The following MSRA variants were observed in gnomAD, a reference collection of about 807,000 sequenced individuals.
MSRA encodes the protein methionine sulfoxide reductase A.
A neutral mutation model predicts 31.3 loss-of-function variants in MSRA; 54 were observed. The observed-to-expected ratio is 1.73, with a 90% CI of 1.39 to 2.17. The LOEUF is 2.17. Among genes scored for constraint, MSRA ranks in the 30% most tolerant of loss-of-function variants. MSRA has a pLI of 0.00. For missense variants in MSRA, 507 were observed against 300.9 expected, an observed-to-expected ratio of 1.69 and a Z score of -5.07; for synonymous variants, 169 against 116.5, an observed-to-expected ratio of 1.45 and a Z score of -2.90.
intron 1 of MSRA, among the ~76,000 whole-genome samples, chr8:10,090,560 G>A (rs145463684): frequency 6.6e-6 from 1 of 152,156 alleles, no homozygotes; most frequent in Non-Finnish European, 1.5e-5. Context: ...CATAAAACTT[G>A]TCATTTTATT....
chr8:10,218,473 C>T (rs1810200350), intron 2 of MSRA, among the ~76,000 whole-genome samples: 1 of 152,132 alleles, frequency 6.6e-6, no homozygotes, highest in Non-Finnish European at 1.5e-5. Flanking sequence ...GTGAAGTTAG[C>T]ATCCCCTTAC....
intron 1 of MSRA, among the ~76,000 whole-genome samples, chr8:10,114,125 T>C (rs1001225432): frequency 6.6e-6 from 1 of 152,238 alleles, no homozygotes; most frequent in East Asian, 1.9e-4. Flanking sequence ...TCATCTATGT[T>C]GCAGCATGTA....
chr8:10,146,634 T>G (rs1803168287), intron 1 of MSRA, among the ~76,000 whole-genome samples: 1 of 152,158 alleles, frequency 6.6e-6, no homozygotes, highest in South Asian at 2.1e-4. Context: ...CTGAATAGAC[T>G]AAAAGCCATC....
chr8:10,084,040 G>A (rs915268296), intron 1 of MSRA, among the ~76,000 whole-genome samples: 1 of 152,190 alleles, frequency 6.6e-6, no homozygotes, highest in Non-Finnish European at 1.5e-5. Flanking sequence ...AGTGAAATGT[G>A]CAAGGACTTG....
chr8:10,345,029 G>A (rs1358101761), intron 5 of MSRA, among the ~76,000 whole-genome samples: 1 of 152,142 alleles, frequency 6.6e-6, no homozygotes, highest in Admixed American at 6.5e-5. Context: ...GGAAGATGGG[G>A]CTGTCTGGAT....
intron 1 of MSRA, among the ~76,000 whole-genome samples, chr8:10,081,275 T>C (rs1798279393): frequency 6.6e-6 from 1 of 152,188 alleles, no homozygotes; most frequent in Non-Finnish European, 1.5e-5. Context: ...GAACCTGGCA[T>C]CCCATAGCTG....
At chr8:10,177,726 A>G (rs1806181548) in intron 1 of MSRA, among the ~76,000 whole-genome samples, 1 of 152,218 alleles carries the variant, frequency 6.6e-6, no homozygotes, top group African/African-American at 2.4e-5. Context: ...TTTATTGGCA[A>G]GCTTTTTCTA....
chr8:10,401,553 C>G (rs893336179), intron 5 of MSRA, among the ~76,000 whole-genome samples: 2 of 152,194 alleles, frequency 1.3e-5, no homozygotes, highest in Non-Finnish European at 2.9e-5. Context: ...GCAGCAATCT[C>G]ACGCCTATGT....
intron 5 of MSRA, among the ~76,000 whole-genome samples, chr8:10,399,113 A>T (rs868264337): frequency 4.3e-4 from 66 of 152,352 alleles, no homozygotes; most frequent in Middle Eastern, 3.4e-3. Flanking sequence ...AACTTTAAAG[A>T]TGGAACTTGA....
chr8:10,267,322 GAC>G lies in MSRA; in HGVS notation c.331+22103_331+22104del, dbSNP rs1353639314. ...AGTTTGTTTGGGTTCTTATTGTGCA[GAC>G]ACAGTGGGAGGGGAGGCTGCAGTGG... On this transcript the variant is annotated intron_variant, in intron 3 of 5. Transcript: ENST00000317173. Among the ~76,000 whole-genome samples the G allele has an allele frequency of 2.6e-5, 4 of 152,216 alleles. No homozygotes were observed. In the East Asian group the frequency reaches 7.7e-4, roughly 29 times the overall value.
intron 5 of MSRA, among the ~76,000 whole-genome samples, chr8:10,327,816 C>T (rs531063973): frequency 6.6e-6 from 1 of 151,994 alleles, no homozygotes; most frequent in Non-Finnish European, 1.5e-5. Flanking sequence ...GCCTGTAGTC[C>T]CAGCTACTCA....
At chr8:10,292,596 C>T (rs1279165119) in intron 3 of MSRA, among the ~76,000 whole-genome samples, 1 of 152,238 alleles carries the variant, frequency 6.6e-6, no homozygotes, top group Non-Finnish European at 1.5e-5. Flanking sequence ...AGTGGAGGAG[C>T]CCTGCTCTGA....
chr8:10,245,969 A>G lies in MSRA; in HGVS notation c.331+746A>G, dbSNP rs1208075269. On this transcript the variant is annotated intron_variant, in intron 3 of 5. Coordinates refer to ENST00000317173, the MANE Select transcript of MSRA (RefSeq NM_012331.5). ...GATACTGGTTGTGTTTTCTGTAAGG[A>G]AAAACACTGAAAGCCGTGCTATAAT... Among the ~76,000 whole-genome samples the G allele has an allele frequency of 2.6e-5, 4 of 152,236 alleles. No individual in the cohort carries two copies. In the East Asian group the frequency reaches 7.7e-4, roughly 29 times the overall value.
At chr8:10,240,826 C>T (rs999144624) in intron 2 of MSRA, among the ~76,000 whole-genome samples, 1 of 152,012 alleles carries the variant, frequency 6.6e-6, no homozygotes, top group Middle Eastern at 3.4e-3. Flanking sequence ...CCATTCAACA[C>T]CCCACCCCCC....
chr8:10,291,156 G>A (rs1800211601), intron 3 of MSRA, among the ~76,000 whole-genome samples: 1 of 152,198 alleles, frequency 6.6e-6, no homozygotes, highest in African/African-American at 2.4e-5. Flanking sequence ...GCCATTGACT[G>A]CTTTCTTGAA....
intron 1 of MSRA, among the ~76,000 whole-genome samples, chr8:10,083,731 C>G (rs1798407391): frequency 6.6e-6 from 1 of 151,236 alleles, no homozygotes; most frequent in Non-Finnish European, 1.5e-5. Context: ...CTGTTTTTTT[C>G]CCTAAACAGT....
intron 5 of MSRA, among the ~76,000 whole-genome samples, chr8:10,389,683 C>T (rs1806610847): frequency 6.6e-6 from 1 of 151,290 alleles, no homozygotes; most frequent in African/African-American, 2.4e-5. Flanking sequence ...TCTCTCCAGT[C>T]CTGCCTTCAT....
At chr8:10,423,223 TCTCTC>T (rs1808921045) in intron 5 of MSRA, among the ~76,000 whole-genome samples, 1 of 152,010 alleles carries the variant, frequency 6.6e-6, no homozygotes, top group African/African-American at 2.4e-5. Context: ...TCCTGACAGT[TCTCTC>T]CTGCCTGCTC....
intron 1 of MSRA, chr8:10,096,128 G>T: frequency 8.0e-7 from 1 of 1,251,724 alleles, no homozygotes; most frequent in Non-Finnish European, 1.0e-6. Context: ...ATTTTATGCA[G>T]CCCAGCCAGG....
Sources: allele counts gnomAD v4.1 joint callset (sites outside exome capture counted in the v4.1 genomes callset), GRCh38; gene constraint gnomAD v4.1.1; transcripts MANE v1.5; gene names NCBI Gene and HGNC (gene_info 2026-07-23, HGNC 2026-07-21).